The following SLC6A3 variants were observed in gnomAD, a reference collection of about 807,000 sequenced individuals.
SLC6A3 encodes solute carrier family 6 member 3.
SLC6A3 carries 19 observed loss-of-function variants against 70.4 expected under a neutral mutation model. That is an observed-to-expected ratio of 0.27 (90% confidence interval 0.19 to 0.40). SLC6A3 has a LOEUF of 0.40. SLC6A3 is among the 10% of genes least tolerant of loss of function. SLC6A3 has a pLI of 1.00. For missense variants in SLC6A3, 613 were observed against 838.5 expected (o/e 0.73, Z 3.32); for synonymous variants, 368 against 356.6 (o/e 1.03, Z -0.36).
Position 1,414,816 on chromosome 5 carries a change from C to T in SLC6A3, c.1032-1G>A. 1 of 1,612,906 alleles carries T rather than the reference C, an allele frequency of 6.2e-7. No homozygotes were observed. Among genetic ancestry groups the T allele is most frequent in the Non-Finnish European group, 8.5e-7 (1 of 1,179,830 alleles). ...GATGGAGGTGGTGACAATCGCGTCC[C>T]TGTAAGAACAAGACACGCCGTCTCA... On this transcript the variant is annotated splice_acceptor_variant, in intron 7 of 14. Coordinates refer to ENST00000270349, the MANE Select transcript of SLC6A3 (RefSeq NM_001044.5). LOFTEE classifies it high-confidence loss of function.
intron 8 of SLC6A3, among the ~76,000 whole-genome samples, chr5:1,412,315 C>T (rs1390400574): frequency 1.3e-5 from 2 of 152,348 alleles, no homozygotes; most frequent in East Asian, 3.9e-4. Context: ...AGGCTCCTGT[C>T]AGCTGGGGCC....
chr5:1,398,941 T>C lies in SLC6A3; in HGVS notation c.1839+1974A>G, dbSNP rs148078917. ...TCAATTACTCATGGTCAAGCACCCC[T>C]AAAGTTGACAAAGTGTAGACAATGT... On this transcript the variant is annotated intron_variant, in intron 14 of 14. Coordinates refer to ENST00000270349, the MANE Select transcript of SLC6A3 (RefSeq NM_001044.5). Among the ~76,000 whole-genome samples the C allele has an allele frequency of 3.2e-4, 49 of 152,338 alleles. No homozygotes were observed. The East Asian group carries it at 8.9e-3, about 28-fold the overall frequency.
intron 14 of SLC6A3, among the ~76,000 whole-genome samples, chr5:1,395,025 A>C (rs891109645): frequency 6.6e-6 from 1 of 152,196 alleles, no homozygotes; most frequent in African/African-American, 2.4e-5. Flanking sequence ...CGTGGTGGCC[A>C]TGGTGGCCTC....
At position 1,404,060 on chromosome 5, in the gene SLC6A3, A is replaced by T. The variant is rs1468639230; in HGVS notation, c.1600-971T>A. 2.0e-5 allele frequency among the ~76,000 whole-genome samples: 3 copies of T among 152,162 alleles called. No individual in the cohort carries two copies. Among genetic ancestry groups the T allele is most frequent in the African/African-American group, 4.8e-5 (2 of 41,424 alleles). ...GGTTTATGATGTAGCTTAAAATGCA[A>T]TTTTTTCCCAATTGTCCACTTTTCC... On this transcript the variant is annotated intron_variant, in intron 12 of 14. Transcript: ENST00000270349. The surrounding 1 kb of genome is among the most constrained non-coding windows in gnomAD (Gnocchi z 5.2).
In SLC6A3 at chr5:1,422,008, G is replaced by A. The variant is rs118141909; in HGVS notation, c.660C>T (p.Gly220=). 26 of 1,611,442 alleles carry A rather than the reference G, an allele frequency of 1.6e-5. No homozygotes were observed. In the East Asian group the frequency reaches 3.1e-4, roughly 19 times the overall value. The stretch of plus-strand genomic sequence containing the variant: ...CATGGCTCTGGTGGAGGTGCAGCAC[G>A]CCACGTCTGCAGAGGGGAGTCAGCG... The part of the protein sequence containing the change: ...TTPAAEYFER[G]VLHLHQSHGI... The change falls in exon 5 of 15, where the codon GGC becomes GGT. Residue 220 remains glycine, a synonymous_variant. Coordinates refer to ENST00000270349, the MANE Select transcript of SLC6A3 (RefSeq NM_001044.5).
chr5:1,420,066 A>C (rs576322945), intron 6 of SLC6A3, among the ~76,000 whole-genome samples: 25 of 152,144 alleles, frequency 1.6e-4, no homozygotes, highest in South Asian at 2.1e-4. Context: ...CTCTTGCTGC[A>C]TTGTCCTCCC....
At chr5:1,418,661 T>G (rs1413363180) in intron 6 of SLC6A3, among the ~76,000 whole-genome samples, 1 of 144,520 alleles carries the variant, frequency 6.9e-6, no homozygotes, top group Non-Finnish European at 1.5e-5. Context: ...CAGCTACCTA[T>G]CATTCATCCA....
In SLC6A3 at chr5:1,393,774, G is replaced by C. The variant is rs1755640428; in HGVS notation, c.*961C>G. 7.1e-6 allele frequency: 1 copy of C among 140,248 alleles called. No individual in the cohort carries two copies. The highest frequency in any genetic ancestry group is 7.2e-5 in the Admixed American group (1 of 13,824). The allele number at this position is 140,248 out of a possible 1,614,324, so 8.7% of individuals were successfully genotyped here. ...GGGGCCCTGCATGCGTCCTGGGGTA[G>C]TACACGCTCCAGTGGGGGCCCTGCA... On this transcript the variant is annotated 3_prime_UTR_variant, in exon 15 of 15. Transcript: ENST00000270349.
intron 4 of SLC6A3, among the ~76,000 whole-genome samples, chr5:1,429,744 C>T (rs1182397476): frequency 6.6e-6 from 1 of 152,210 alleles, no homozygotes; most frequent in Non-Finnish European, 1.5e-5. Context: ...GGCCACTGCC[C>T]CTGGCTCTGT....
intron 4 of SLC6A3, among the ~76,000 whole-genome samples, chr5:1,425,528 A>G (rs1454229258): frequency 6.6e-6 from 1 of 152,260 alleles, no homozygotes; most frequent in Non-Finnish European, 1.5e-5. Context: ...ATATAGAAAA[A>G]TTAACCCAAA....
chr5:1,417,371 A>G (rs1055488050), intron 6 of SLC6A3, among the ~76,000 whole-genome samples: 2 of 152,362 alleles, frequency 1.3e-5, no homozygotes, highest in East Asian at 3.9e-4. Context: ...TCAGAAAGGC[A>G]TGGACCCATC....
chr5:1,425,079 A>C (rs1756548442), intron 4 of SLC6A3, among the ~76,000 whole-genome samples: 1 of 152,212 alleles, frequency 6.6e-6, no homozygotes, highest in Non-Finnish European at 1.5e-5. Context: ...AGGACCAGAA[A>C]AGTGTTGGCC....
chr5:1,405,447 T>C lies in SLC6A3; in HGVS notation c.1599+741A>G, dbSNP rs1755949820. Among the ~76,000 whole-genome samples, 1 of 152,184 alleles carries C rather than the reference T, an allele frequency of 6.6e-6. No homozygotes were observed. The highest frequency in any genetic ancestry group is 1.5e-5 in the Non-Finnish European group (1 of 68,020). On this transcript the variant is annotated intron_variant, in intron 12 of 14. Transcript: ENST00000270349. This position sits in a 1 kb window ranked among gnomAD's most constrained non-coding sequence, Gnocchi z 5.3. ...CCTGTTCCAGTCCCCACCTCGTGCC[T>C]GCTGGACTCGGGAGGTGCTTCTCTA...
rs565958837 is a variant in SLC6A3, at chr5:1,411,068, T to C, written c.1269+175A>G. On this transcript the variant is annotated intron_variant, in intron 9 of 14. Coordinates refer to ENST00000270349, the MANE Select transcript of SLC6A3 (RefSeq NM_001044.5). This position sits in a 1 kb window ranked among gnomAD's most constrained non-coding sequence, Gnocchi z 6.5. The stretch of plus-strand genomic sequence containing the variant: ...AAGGTAAACTCCAGTCACCACTCAC[T>C]CCAGCCCCGAGAAAGGTCTCCCAAA... Among the ~76,000 whole-genome samples, 1 of 151,848 alleles carries C rather than the reference T, an allele frequency of 6.6e-6. No individual in the cohort carries two copies. The highest frequency in any genetic ancestry group is 1.5e-5 in the Non-Finnish European group (1 of 67,966).
In SLC6A3 at chr5:1,432,636, C is replaced by T. The variant is rs1277034664; in HGVS notation, c.481G>A (p.Ala161Thr). ...YVGFFYNVII[A>T]WALHYLFSSF... Reference sequence around the variant, plus strand: ...GAGAAGAGATAGTGCAGCGCCCAGGCGATGATGACGTTGTAGAAGAAGCCG... The same window carrying T: ...GAGAAGAGATAGTGCAGCGCCCAGGTGATGATGACGTTGTAGAAGAAGCCG... The change falls in exon 4 of 15, where the codon GCC becomes ACC. Residue 161 changes from alanine (A) to threonine (T), a missense_variant. Coordinates refer to ENST00000270349, the MANE Select transcript of SLC6A3 (RefSeq NM_001044.5). 11 of 1,614,014 alleles carry T rather than the reference C, an allele frequency of 6.8e-6. No homozygotes were observed. Among genetic ancestry groups the T allele is most frequent in the Non-Finnish European group, 9.3e-6 (11 of 1,180,020 alleles).
At chr5:1,414,957 A>G (rs1225255651) in intron 7 of SLC6A3, 142 bp from the exon 8 acceptor site, 3 of 1,034,792 alleles carry the variant, frequency 2.9e-6, no homozygotes, top group Non-Finnish European at 4.4e-6. Context: ...GAGCACGGCC[A>G]GCTCCTTAGC....
rs10078288 is a variant in SLC6A3 at position 1,396,897 on chromosome 5, G to A, written c.1840-2139C>T. 0.019 allele frequency among the ~76,000 whole-genome samples: 2,962 copies of A among 152,274 alleles called. 107 individuals are homozygous for A. Among genetic ancestry groups the A allele is most frequent in the African/African-American group, 0.067 (2,771 of 41,540 alleles). On this transcript the variant is annotated intron_variant, in intron 14 of 14. Coordinates refer to ENST00000270349, the MANE Select transcript of SLC6A3 (RefSeq NM_001044.5). The surrounding 1 kb of genome is among the most constrained non-coding windows in gnomAD (Gnocchi z 7.0). ...GATGCAACAAATGAAATTGTAAGAA[G>A]GGCAAGGGAAAGATCAAGCTAGACG...
In SLC6A3 at chr5:1,433,973, A is replaced by G. The variant is rs975737057; in HGVS notation, c.419-1275T>C. Among the ~76,000 whole-genome samples the G allele has an allele frequency of 4.6e-5, 7 of 152,190 alleles. No individual in the cohort carries two copies. The East Asian group carries it at 1.4e-3, about 30-fold the overall frequency. ...TCCACAGCCATCCACAGCCATCTGC[A>G]TTTGCCCATAACTATCTACGGCCAC... On this transcript the variant is annotated intron_variant, in intron 3 of 14. Coordinates refer to ENST00000270349, the MANE Select transcript of SLC6A3 (RefSeq NM_001044.5).
In SLC6A3 at chr5:1,408,764, C is replaced by T. The variant is rs1337022642; in HGVS notation, c.1498+262G>A. Among the ~76,000 whole-genome samples the T allele has an allele frequency of 1.3e-5, 2 of 152,200 alleles. No individual in the cohort carries two copies. The highest frequency in any genetic ancestry group is 6.5e-5 in the Admixed American group (1 of 15,280). On this transcript the variant is annotated intron_variant, in intron 11 of 14. Coordinates refer to ENST00000270349, the MANE Select transcript of SLC6A3 (RefSeq NM_001044.5). This position sits in a 1 kb window ranked among gnomAD's most constrained non-coding sequence, Gnocchi z 6.4. ...GGGATGGGCTCACCGGTGCCTCTAG[C>T]GTGGAGGAGGCAGAAGACGCCCAGC...
Sources: allele counts gnomAD v4.1 joint callset (sites outside exome capture counted in the v4.1 genomes callset), GRCh38; gene constraint gnomAD v4.1.1; non-coding constraint Gnocchi (gnomAD v3.1); transcripts MANE v1.5; gene names NCBI Gene and HGNC (gene_info 2026-07-23, HGNC 2026-07-21).